VPS13A: variants seen among roughly 807,000 people sequenced by gnomAD.
The protein encoded by VPS13A is intermembrane lipid transfer protein VPS13A.
In VPS13A, 264 loss-of-function variants were observed where a neutral mutation model predicts 390.9. The observed-to-expected ratio is 0.68, with a 90% confidence interval of 0.61 to 0.75. The LOEUF is 0.75. VPS13A is among the 30% of genes least tolerant of loss of function. The pLI is 0.00. For missense variants in VPS13A, 3,409 were observed against 3,733.9 expected (o/e 0.91, Z 2.27); for synonymous variants, 1,231 against 1,227.1 (o/e 1.00, Z -0.07).
intron 71 of VPS13A, among the ~76,000 whole-genome samples, chr9:77,413,893 A>G: frequency 6.6e-6 from 1 of 151,922 alleles, no homozygotes; most frequent in East Asian, 1.9e-4. Context: ...AAACAAATCT[A>G]CAAGAAAAAA....
At chr9:77,337,214 C>A in intron 46 of VPS13A, 41 bp from the exon 47 acceptor site, 1 of 1,559,480 alleles carries the variant, frequency 6.4e-7, no homozygotes, top group Non-Finnish European at 8.7e-7. Context: ...AATATGTTTT[C>A]CTTTAAAACA....
At chr9:77,199,509 C>CT (rs1825202214) in intron 1 of VPS13A, among the ~76,000 whole-genome samples, 1 of 151,952 alleles carries the variant, frequency 6.6e-6, no homozygotes, top group African/African-American at 2.4e-5. Context: ...TTCTCATTTT[C>CT]TTTTTTTATT....
intron 67 of VPS13A, among the ~76,000 whole-genome samples, chr9:77,379,846 A>G (rs1384742683): frequency 2.0e-5 from 3 of 152,192 alleles, no homozygotes; most frequent in Non-Finnish European, 2.9e-5. Context: ...TGAACGTTCT[A>G]TAGACATCTG....
rs932162878 is a variant in VPS13A at position 77,398,909 on chromosome 9, T to C, written c.9190-4327T>C. On this transcript the variant is annotated intron_variant, in intron 68 of 71. Transcript: ENST00000360280. Reference sequence around the variant, plus strand: ...GGAAACCATCATTCTCAGTAAACTATCGCAAGAACAAAAAACCAAACACCA... The same window carrying C: ...GGAAACCATCATTCTCAGTAAACTACCGCAAGAACAAAAAACCAAACACCA... Among the ~76,000 whole-genome samples, 70 of 148,042 alleles carry C rather than the reference T, an allele frequency of 4.7e-4. 1 individual carries two copies. The highest frequency in any genetic ancestry group is 1.2e-3 in the Admixed American group (18 of 14,618).
intron 1 of VPS13A, among the ~76,000 whole-genome samples, chr9:77,188,357 A>G (rs1388777505): frequency 1.3e-5 from 2 of 152,218 alleles, no homozygotes; most frequent in East Asian, 3.8e-4. Flanking sequence ...TCTTGTGAGA[A>G]TATGCAGTAT....
intron 34 of VPS13A, among the ~76,000 whole-genome samples, chr9:77,305,193 C>G (rs749614715): frequency 6.6e-6 from 1 of 152,124 alleles, no homozygotes; most frequent in African/African-American, 2.4e-5. Context: ...CCCCCTTGGC[C>G]TCCCAAAGTG....
At chr9:77,207,178 G>T (rs1454752427) in intron 5 of VPS13A, among the ~76,000 whole-genome samples, 40 of 111,190 alleles carry the variant, frequency 3.6e-4, no homozygotes, top group African/African-American at 1.2e-3. Context: ...ACTAAATATG[G>T]TGCTCAAACC....
At chr9:77,226,819 C>T (rs1454329233) in intron 15 of VPS13A, among the ~76,000 whole-genome samples, 1 of 151,100 alleles carries the variant, frequency 6.6e-6, no homozygotes, top group Admixed American at 6.6e-5. Context: ...AGCTTTATGC[C>T]CAGAGATTTA....
intron 54 of VPS13A, 91 bp downstream of exon 54, chr9:77,353,732 A>T: frequency 1.6e-6 from 2 of 1,276,138 alleles, no homozygotes; most frequent in Non-Finnish European, 2.2e-6. Context: ...ATTTAGTTTC[A>T]GTTTTGTGCT....
chr9:77,352,216 A>G (rs1831513296), intron 53 of VPS13A, among the ~76,000 whole-genome samples: 1 of 152,252 alleles, frequency 6.6e-6, no homozygotes, highest in Non-Finnish European at 1.5e-5. Flanking sequence ...GTGGCAAGCT[A>G]TGATGATAAA....
chr9:77,369,357 G>A lies in VPS13A; in HGVS notation c.8612G>A (p.Gly2871Asp), dbSNP rs1832619025. 1 of 1,613,784 alleles carries A rather than the reference G, an allele frequency of 6.2e-7. No homozygotes were observed. Among genetic ancestry groups the A allele is most frequent in the East Asian group, 2.2e-5 (1 of 44,786 alleles). ...CTTGATGTTTTGGGAAATCCATTTG[G>A]CTTAATTAGAGAATTTTCTGAAGGT... ...LGLDVLGNPF[G>D]LIREFSEGVE... The change falls in exon 63 of 72, where the codon GGC (glycine) becomes GAC (aspartate). Residue 2871 changes from glycine to aspartate, a missense_variant. Physicochemically the swap from Gly to Asp is moderately conservative, Grantham distance 94 (BLOSUM62 -1). Transcript: ENST00000360280.
intron 65 of VPS13A, 32 bp downstream of exon 65, chr9:77,370,610 G>A (rs1427301481): frequency 6.2e-7 from 1 of 1,613,490 alleles, no homozygotes; most frequent in South Asian, 1.1e-5. Context: ...TGAAGATTTT[G>A]GGAAATATCT....
At chr9:77,384,354 T>G (rs1480081653) in intron 68 of VPS13A, among the ~76,000 whole-genome samples, 3 of 151,930 alleles carry the variant, frequency 2.0e-5, no homozygotes, top group African/African-American at 4.8e-5. Context: ...AATACCTTAT[T>G]GATATCATCA....
At chr9:77,218,112 C>CTTT (rs1190614257) in intron 10 of VPS13A, among the ~76,000 whole-genome samples, 7 of 138,208 alleles carry the variant, frequency 5.1e-5, no homozygotes, top group Non-Finnish European at 7.8e-5. Context: ...TCTTTGCCCA[C>CTTT]TTTTTTTTTT....
intron 23 of VPS13A, among the ~76,000 whole-genome samples, chr9:77,270,994 G>C (rs554236567): frequency 6.6e-6 from 1 of 152,010 alleles, no homozygotes; most frequent in East Asian, 1.9e-4. Flanking sequence ...TATAACAGGA[G>C]AAAAAAATAA....
In VPS13A at chr9:77,340,248, C is replaced by G; in HGVS notation, c.6845C>G (p.Ala2282Gly). The G allele has an allele frequency of 3.7e-6, 6 of 1,613,256 alleles. No homozygotes were observed. The highest frequency in any genetic ancestry group is 5.1e-6 in the Non-Finnish European group (6 of 1,179,600). The change falls in exon 49 of 72, where the codon GCT becomes GGT. Residue 2282 changes from alanine to glycine, a missense_variant. Ala to Gly is a moderately conservative substitution (Grantham distance 60, BLOSUM62 0). Around this residue, in one of 5 missense-constraint regions of VPS13A, gnomAD observed 2,717 missense variants for 2,917.4 expected, o/e 0.93. Transcript: ENST00000360280. ...ATTGATACTGTTGGTAGTCATGGAG[C>G]TGTTAAATGTAAAGGCCTGAAAATG... is the stretch of plus-strand genomic sequence containing the variant. Reference protein sequence around the residue: ...FSIDTVGSHGAVKCKGLKMDY... With the variant: ...FSIDTVGSHGGVKCKGLKMDY...
At chr9:77,287,819 A>G (rs967318155) in intron 31 of VPS13A, among the ~76,000 whole-genome samples, 1 of 152,184 alleles carries the variant, frequency 6.6e-6, no homozygotes, top group Non-Finnish European at 1.5e-5. Flanking sequence ...TAGGGCCCTC[A>G]GTAACCTTTG....
intron 35 of VPS13A, among the ~76,000 whole-genome samples, chr9:77,312,593 A>AT (rs202130876): frequency 0.029 from 4,387 of 151,920 alleles, 75 homozygotes; most frequent in Non-Finnish European, 0.044. Flanking sequence ...TGCCTGGCTA[A>AT]TTTTTTGTAC....
intron 67 of VPS13A, among the ~76,000 whole-genome samples, chr9:77,378,548 G>A (rs1442850183): frequency 2.0e-5 from 3 of 151,788 alleles, no homozygotes; most frequent in Non-Finnish European, 4.4e-5. Context: ...TGGTAGTAGT[G>A]TTCCCTCTTT....
Sources: allele counts gnomAD v4.1 joint callset (sites outside exome capture counted in the v4.1 genomes callset), GRCh38; gene constraint gnomAD v4.1.1; regional missense constraint gnomAD v4.1.1; transcripts MANE v1.5; gene names NCBI Gene and HGNC (gene_info 2026-07-23, HGNC 2026-07-21).